Variants in DNM3 observed in about 807,000 individuals in gnomAD.
DNM3 encodes dynamin-3.
In DNM3, 47 loss-of-function variants were observed where a neutral mutation model predicts 101.6. The observed-to-expected ratio is 0.46, with a 90% CI of 0.37 to 0.59. The LOEUF (loss-of-function observed/expected upper bound fraction) is 0.59, where lower values mean the gene tolerates loss of function less well. Ranked by LOEUF, DNM3 falls within the 20% of genes least tolerant of loss-of-function variation. The pLI is 0.00. For synonymous variants in DNM3, 385 were observed against 387.9 expected (o/e 0.99, Z 0.09); for missense variants, 849 against 1,085.7 (o/e 0.78, Z 3.06).
At chr1:172,232,746 G>C (rs534576403) in intron 14 of DNM3, among the ~76,000 whole-genome samples, 2 of 152,104 alleles carry the variant, frequency 1.3e-5, no homozygotes, top group African/African-American at 4.8e-5. Context: ...ACTCAAAACC[G>C]CTCAACTACA....
At chr1:171,961,922 G>T (rs112238844) in intron 2 of DNM3, among the ~76,000 whole-genome samples, 1 of 152,134 alleles carries the variant, frequency 6.6e-6, no homozygotes, top group Non-Finnish European at 1.5e-5. Flanking sequence ...ATAAAGAAAA[G>T]GAATTTATTT....
intron 14 of DNM3, among the ~76,000 whole-genome samples, chr1:172,162,717 TA>T (rs2058588028): frequency 6.6e-6 from 1 of 152,054 alleles, no homozygotes; most frequent in Admixed American, 6.6e-5. Context: ...TAAAATCTCT[TA>T]AAAATTTTTC....
intron 17 of DNM3, among the ~76,000 whole-genome samples, chr1:172,365,786 GTAGA>G (rs2067982811): frequency 1.3e-5 from 2 of 151,930 alleles, no homozygotes. Context: ...TGCACATCCT[GTAGA>G]TGAGCGCAAA....
At chr1:172,232,852 C>T (rs1333987492) in intron 14 of DNM3, among the ~76,000 whole-genome samples, 1 of 152,154 alleles carries the variant, frequency 6.6e-6, no homozygotes, top group Non-Finnish European at 1.5e-5. Context: ...AGGACAAAGG[C>T]ACAACATACC....
In DNM3 at chr1:172,410,042, T is replaced by G; in HGVS notation, c.*2201T>G. On this transcript the variant is annotated 3_prime_UTR_variant, in exon 21 of 21. Coordinates refer to ENST00000627582, the MANE Select transcript of DNM3 (RefSeq NM_015569.5). The stretch of plus-strand genomic sequence containing the variant: ...TTGCTTTTAGATTATAGTCCCACAG[T>G]TGCACTGCCCCAATTGTCTACCTTT... 1.0e-6 allele frequency: 1 copy of G among 985,680 alleles called. No homozygotes were observed. Among genetic ancestry groups the G allele is most frequent in the South Asian group, 4.7e-5 (1 of 21,294 alleles). The allele number at this position is 985,680 out of a possible 1,614,324, so 61.1% of individuals were successfully genotyped here. A position where few individuals can be genotyped will look rare whatever the true frequency, so the allele number is the denominator to read the frequency against.
At chr1:171,848,894 C>T (rs2032566961) in intron 1 of DNM3, among the ~76,000 whole-genome samples, 1 of 152,162 alleles carries the variant, frequency 6.6e-6, no homozygotes, top group Non-Finnish European at 1.5e-5. Context: ...TACAGGATTG[C>T]TTTAGATCTT....
At chr1:172,301,461 C>T (rs2064447327) in intron 15 of DNM3, among the ~76,000 whole-genome samples, 1 of 152,166 alleles carries the variant, frequency 6.6e-6, no homozygotes, top group Admixed American at 6.5e-5. Flanking sequence ...ATGACTGTGC[C>T]ACTGCACTCC....
chr1:172,297,142 C>CAA (rs767532426), intron 15 of DNM3, among the ~76,000 whole-genome samples: 2,154 of 110,940 alleles, frequency 0.019, 28 homozygotes, highest in Middle Eastern at 0.033. Context: ...AACTCCATCT[C>CAA]AAAAAAAAAA....
At chr1:172,382,965 G>C (rs1038060196) in intron 18 of DNM3, among the ~76,000 whole-genome samples, 4 of 152,104 alleles carry the variant, frequency 2.6e-5, no homozygotes, top group Non-Finnish European at 4.4e-5. Context: ...ATGTGCCCTA[G>C]TTTCAAAACT....
chr1:172,258,136 T>G (rs2062492664), intron 15 of DNM3, among the ~76,000 whole-genome samples: 1 of 152,140 alleles, frequency 6.6e-6, no homozygotes. Context: ...TTATGGCAGA[T>G]AGTATTCCAC....
chr1:171,951,377 G>C (rs981198260), intron 2 of DNM3, among the ~76,000 whole-genome samples: 9 of 152,126 alleles, frequency 5.9e-5, no homozygotes. Flanking sequence ...TGAAATAGGA[G>C]CCAAACTTTG....
At chr1:172,301,454 A>G (rs2064446415) in intron 15 of DNM3, among the ~76,000 whole-genome samples, 1 of 152,184 alleles carries the variant, frequency 6.6e-6, no homozygotes, top group Non-Finnish European at 1.5e-5. Context: ...GTGAGCTATG[A>G]CTGTGCCACT....
rs180682165 is a variant in DNM3, at chr1:172,051,183, T to C, written c.1335+2433T>C. Among the ~76,000 whole-genome samples the C allele has an allele frequency of 3.0e-3, 460 of 152,314 alleles. 2 individuals are homozygous for C. The highest frequency in any genetic ancestry group is 0.011 in the African/African-American group (443 of 41,570). ...CTAAACTGGAAAAATCTGAGGGCCT[T>C]TATTGGGTATGACATTTGCCATTTT... On this transcript the variant is annotated intron_variant, in intron 10 of 20. Transcript: ENST00000627582.
chr1:172,260,045 C>T (rs1305173705), intron 15 of DNM3, among the ~76,000 whole-genome samples: 1 of 152,084 alleles, frequency 6.6e-6, no homozygotes, highest in Non-Finnish European at 1.5e-5. Context: ...TTTTGCTCAT[C>T]TGTGAAAGAC....
chr1:172,313,938 C>T (rs1480055237), intron 16 of DNM3, among the ~76,000 whole-genome samples: 1 of 151,858 alleles, frequency 6.6e-6, no homozygotes, highest in Admixed American at 6.6e-5. Flanking sequence ...TAATGCTATC[C>T]CTCCCCTAGC....
At chr1:172,128,734 C>T (rs1182366629) in intron 13 of DNM3, among the ~76,000 whole-genome samples, 1 of 152,146 alleles carries the variant, frequency 6.6e-6, no homozygotes, top group Non-Finnish European at 1.5e-5. Context: ...TTAGTGGCTA[C>T]CGGCTACACT....
intron 15 of DNM3, among the ~76,000 whole-genome samples, chr1:172,288,267 A>G (rs975904787): frequency 2.0e-5 from 3 of 152,212 alleles, no homozygotes; most frequent in Admixed American, 2.0e-4. Context: ...CAAAACTAAC[A>G]CTAGAAGAAT....
chr1:172,190,457 G>A (rs934724933), intron 14 of DNM3, among the ~76,000 whole-genome samples: 4 of 152,094 alleles, frequency 2.6e-5, no homozygotes, highest in Admixed American at 2.6e-4. Context: ...ATTGTGAATA[G>A]TGCCACAATA....
At chr1:172,167,651 A>G (rs185545304) in intron 14 of DNM3, among the ~76,000 whole-genome samples, 1 of 152,086 alleles carries the variant, frequency 6.6e-6, no homozygotes, top group East Asian at 1.9e-4. Flanking sequence ...GGTTTTGATT[A>G]AAGCATTGCA....
Sources: allele counts gnomAD v4.1 joint callset (sites outside exome capture counted in the v4.1 genomes callset), GRCh38; gene constraint gnomAD v4.1.1; transcripts MANE v1.5; gene names NCBI Gene and HGNC (gene_info 2026-07-23, HGNC 2026-07-21).